Variants in FAF1 observed in about 807,000 individuals in gnomAD.
FAF1 encodes Fas associated factor 1.
A neutral mutation model predicts 92.5 loss-of-function variants in FAF1; 25 were observed. The ratio of observed to expected loss-of-function variants is 0.27; its 90% CI spans 0.20 to 0.38. The LOEUF is 0.38. Ranked by LOEUF, FAF1 falls within the 10% of genes least tolerant of loss-of-function variation. The pLI is 1.00. For missense variants in FAF1, 636 were observed against 793.3 expected (o/e 0.80, Z 2.38); for synonymous variants, 234 against 273.2 (o/e 0.86, Z 1.42).
intron 1 of FAF1, among the ~76,000 whole-genome samples, chr1:50,929,475 A>G (rs1645032356): frequency 6.6e-6 from 1 of 152,194 alleles, no homozygotes; most frequent in Non-Finnish European, 1.5e-5. Context: ...AAAAATAAAA[A>G]TTTCCCTAAA....
chr1:50,494,844 T>C (rs529949262), intron 15 of FAF1, among the ~76,000 whole-genome samples: 3 of 152,342 alleles, frequency 2.0e-5, no homozygotes, highest in African/African-American at 7.2e-5. Flanking sequence ...TCAACAGTTA[T>C]ATACTAGAAA....
chr1:50,480,977 C>T (rs937244833), intron 17 of FAF1, among the ~76,000 whole-genome samples: 16 of 151,762 alleles, frequency 1.1e-4, no homozygotes, highest in South Asian at 2.1e-4. Flanking sequence ...GTAGGCCTAG[C>T]CTAATGTGCA....
intron 1 of FAF1, among the ~76,000 whole-genome samples, chr1:50,931,369 C>A (rs556554495): frequency 6.6e-6 from 1 of 152,222 alleles, no homozygotes; most frequent in South Asian, 2.1e-4. Flanking sequence ...TGTTTTCACG[C>A]TGCTGATAAA....
intron 7 of FAF1, among the ~76,000 whole-genome samples, chr1:50,659,519 T>G (rs187197985): frequency 6.6e-6 from 1 of 152,294 alleles, no homozygotes; most frequent in African/African-American, 2.4e-5. Context: ...CTTTAGAGTA[T>G]GTTAAATTCC....
In FAF1 at chr1:50,908,258, C is replaced by T. The variant is rs565814809; in HGVS notation, c.46-50261G>A. Among the ~76,000 whole-genome samples the T allele has an allele frequency of 2.2e-4, 33 of 152,256 alleles. No homozygotes were observed. The East Asian group carries it at 5.2e-3, about 24-fold the overall frequency. ...GAGACAGTTTGTTATAATTTCTGTT[C>T]TTTTACATTTGCTGAGGAGCGCTTT... On this transcript the variant is annotated intron_variant, in intron 1 of 18. Transcript: ENST00000396153.
intron 3 of FAF1, among the ~76,000 whole-genome samples, chr1:50,794,043 G>A (rs1661657363): frequency 6.6e-6 from 1 of 152,180 alleles, no homozygotes; most frequent in Non-Finnish European, 1.5e-5. Context: ...ACTGAAATGT[G>A]AAATACTTCT....
chr1:50,845,022 G>A (rs1248943147), intron 2 of FAF1, among the ~76,000 whole-genome samples: 1 of 152,142 alleles, frequency 6.6e-6, no homozygotes, highest in Non-Finnish European at 1.5e-5. Flanking sequence ...AGTCAACACT[G>A]ACTGCTTACT....
intron 7 of FAF1, among the ~76,000 whole-genome samples, chr1:50,672,226 T>C (rs1335497145): frequency 2.0e-5 from 3 of 151,954 alleles, no homozygotes; most frequent in South Asian, 4.2e-4. Flanking sequence ...TTTGTATTTT[T>C]AGTAGAGACG....
intron 1 of FAF1, among the ~76,000 whole-genome samples, chr1:50,935,410 C>T (rs1365708353): frequency 6.6e-6 from 1 of 152,052 alleles, no homozygotes; most frequent in Non-Finnish European, 1.5e-5. Context: ...AAACTCCTGC[C>T]TCGGCCTCCC....
intron 7 of FAF1, among the ~76,000 whole-genome samples, chr1:50,683,127 G>A (rs1306043035): frequency 6.6e-6 from 1 of 152,136 alleles, no homozygotes; most frequent in East Asian, 1.9e-4. Context: ...GATGACAATA[G>A]ATGTTACATA....
rs527954641 is a variant in FAF1 at position 50,912,749 on chromosome 1, C to T, written c.45+47018G>A. 2.6e-5 allele frequency among the ~76,000 whole-genome samples: 4 copies of T among 152,274 alleles called. No individual in the cohort carries two copies. In the East Asian group the frequency reaches 7.7e-4, roughly 29 times the overall value. On this transcript the variant is annotated intron_variant, in intron 1 of 18. Coordinates refer to ENST00000396153, the MANE Select transcript of FAF1 (RefSeq NM_007051.3). ...GCCAGTGCCACAGTGTAGGTGCATGCACATTTTGTCAAACAGCGGTTTAGT... is the reference window on the plus strand; with the variant it reads ...GCCAGTGCCACAGTGTAGGTGCATGTACATTTTGTCAAACAGCGGTTTAGT...
chr1:50,620,080 T>C (rs905929064), intron 8 of FAF1, among the ~76,000 whole-genome samples: 2 of 152,102 alleles, frequency 1.3e-5, no homozygotes, highest in African/African-American at 4.8e-5. Context: ...GGCTAATTTT[T>C]GTATTTTTAG....
At chr1:50,663,296 C>T (rs921084796) in intron 7 of FAF1, among the ~76,000 whole-genome samples, 2 of 151,556 alleles carry the variant, frequency 1.3e-5, no homozygotes, top group Admixed American at 6.6e-5. Context: ...GGCCCCACCA[C>T]AGACCTAGTG....
intron 7 of FAF1, among the ~76,000 whole-genome samples, chr1:50,676,884 T>C (rs17384367): frequency 0.071 from 10,854 of 152,188 alleles, 509 homozygotes; most frequent in Middle Eastern, 0.18. Context: ...ACTTGAGATA[T>C]AGGAGTACAT....
At chr1:50,573,378 C>T (rs140034934) in intron 12 of FAF1, among the ~76,000 whole-genome samples, 4,669 of 152,142 alleles carry the variant, frequency 0.031, 252 homozygotes, top group African/African-American at 0.11. Flanking sequence ...AGATTACAGG[C>T]GTAAGCCACT....
At chr1:50,848,691 A>G (rs1644323163) in intron 2 of FAF1, among the ~76,000 whole-genome samples, 1 of 152,224 alleles carries the variant, frequency 6.6e-6, no homozygotes, top group Admixed American at 6.5e-5. Context: ...CACACCTGTG[A>G]TATTCTTTCC....
At chr1:50,939,964 G>GC (rs1201135385) in intron 1 of FAF1, among the ~76,000 whole-genome samples, 5 of 152,166 alleles carry the variant, frequency 3.3e-5, no homozygotes, top group African/African-American at 1.2e-4. Context: ...AGGCTGGAGT[G>GC]CAGTGGCATG....
chr1:50,894,716 T>C (rs944365977), intron 1 of FAF1, among the ~76,000 whole-genome samples: 7 of 151,968 alleles, frequency 4.6e-5, no homozygotes, highest in African/African-American at 1.5e-4. Flanking sequence ...TAATGAGGAA[T>C]TCTGGAAACT....
intron 13 of FAF1, among the ~76,000 whole-genome samples, chr1:50,555,299 C>A (rs1007596952): frequency 6.7e-6 from 1 of 148,958 alleles, no homozygotes; most frequent in African/African-American, 2.5e-5. Context: ...ACACACCCCC[C>A]AAAATAAAAC....
Sources: gnomAD v4.1 joint callset for allele counts (sites outside exome capture counted in the v4.1 genomes callset) on GRCh38, gnomAD v4.1.1 for gene constraint, MANE v1.5 for transcripts, NCBI Gene and HGNC (gene_info 2026-07-23, HGNC 2026-07-21) for gene names.